Variants in NPC1 observed in about 807,000 individuals in gnomAD.
NPC1 encodes Niemann-Pick C1 protein.
A neutral mutation model predicts 140.4 loss-of-function variants in NPC1; 85 were observed. The ratio of observed to expected loss-of-function variants is 0.61; its 90% CI spans 0.51 to 0.72. The LOEUF (loss-of-function observed/expected upper bound fraction) is 0.72. NPC1 is among the 30% of genes least tolerant of loss of function. The pLI, the probability that NPC1 is intolerant of heterozygous loss-of-function variation, is 0.00. For missense variants in NPC1, 1,504 were observed against 1,623.8 expected (o/e 0.93, Z 1.27); for synonymous variants, 656 against 624.8 (o/e 1.05, Z -0.74).
intron 23 of NPC1, chr18:23,534,219 T>TCA: frequency 1.6e-6 from 1 of 610,242 alleles, no homozygotes; most frequent in South Asian, 1.9e-5. Flanking sequence ...ACTTGTCTGT[T>TCA]ATTTTCCTGC....
At chr18:23,573,431 T>C (rs1389950208) in intron 2 of NPC1, 21 bp downstream of exon 2, 3 of 1,614,128 alleles carry the variant, frequency 1.9e-6, no homozygotes, top group Admixed American at 1.7e-5. Context: ...GTGTTCCCAG[T>C]GCCTAAGATA....
At chr18:23,528,382 A>G (rs2058371076), downstream of NPC1, 1 of 154,998 alleles carries the variant, frequency 6.5e-6, no homozygotes, top group South Asian at 2.0e-4. Flanking sequence ...GGTAATAACC[A>G]TGGCTTATCG....
At position 23,539,830 on chromosome 18, in the gene NPC1, CG is replaced by C. The variant is rs1057516603; in HGVS notation, c.2775del (p.Asn925LysfsTer11). The C allele has an allele frequency of 6.2e-7, 1 of 1,614,174 alleles. No homozygotes were observed. Among genetic ancestry groups the C allele is most frequent in the Admixed American group, 1.7e-5 (1 of 60,028 alleles). On this transcript the variant is annotated frameshift_variant, in exon 18 of 25. Transcript: ENST00000269228. LOFTEE classifies it high-confidence loss of function. ...NNDSLVQQIF[N>X]AAQLDNYTRI... is the part of the protein sequence containing the mutation. ...ACTGACTAGTTGTCCAGCTGCGCCG[CG>C]TTAAATATCTGCTGCACCAGGGAAT...
chr18:23,530,433 A>C, downstream of NPC1: 1 of 1,614,236 alleles, frequency 6.2e-7, no homozygotes, highest in Non-Finnish European at 8.5e-7. Context: ...CTCCTTTCCA[A>C]ACACCAAGTG....
intron 14 of NPC1, among the ~76,000 whole-genome samples, chr18:23,541,646 C>T (rs1176810764): frequency 6.6e-6 from 1 of 152,202 alleles, no homozygotes; most frequent in Non-Finnish European, 1.5e-5. Flanking sequence ...ATTTGGGAAG[C>T]CCCATCCTAG....
chr18:23,561,555 G>A, intron 4 of NPC1, 28 bp from the exon 5 acceptor site: 10 of 1,611,620 alleles, frequency 6.2e-6, no homozygotes, highest in Non-Finnish European at 8.5e-6. Flanking sequence ...AAGGAAAAAG[G>A]AGACAAGATG....
At chr18:23,533,213 AAATT>A in intron 24 of NPC1, 138 bp downstream of exon 24, 1 of 966,330 alleles carries the variant, frequency 1.0e-6, no homozygotes, top group South Asian at 1.5e-5. Flanking sequence ...CTTTTAGAAG[AAATT>A]TTTTTACTCA....
chr18:23,517,731 T>A (rs2058046303), downstream of NPC1, among the ~76,000 whole-genome samples: 2 of 152,012 alleles, frequency 1.3e-5, no homozygotes. Flanking sequence ...TATTTTTAAA[T>A]TTTTTTTGGA....
chr18:23,585,801 C>T (rs140189789), intron 1 of NPC1, among the ~76,000 whole-genome samples: 3 of 152,294 alleles, frequency 2.0e-5, no homozygotes, highest in Non-Finnish European at 4.4e-5. Context: ...GAAGACCAAG[C>T]TGACTTATGT....
At chr18:23,552,126 G>A (rs765015691) in intron 9 of NPC1, among the ~76,000 whole-genome samples, 2 of 152,190 alleles carry the variant, frequency 1.3e-5, no homozygotes, top group Non-Finnish European at 2.9e-5. Context: ...AAGGGAGGGA[G>A]AGAGAACAGT....
chr18:23,510,674 G>A (rs1180405215), intron 3 of NPC1, among the ~76,000 whole-genome samples: 1 of 151,966 alleles, frequency 6.6e-6, no homozygotes, highest in African/African-American at 2.4e-5. Flanking sequence ...CAAAGGACAT[G>A]AGCAGACACT....
intron 1 of NPC1, among the ~76,000 whole-genome samples, chr18:23,579,300 A>G (rs1164283378): frequency 6.6e-6 from 1 of 152,166 alleles, no homozygotes; most frequent in Non-Finnish European, 1.5e-5. Flanking sequence ...CTAGGTGTGT[A>G]ATCCTTCCTT....
At chr18:23,528,453 G>T, downstream of NPC1, 1 of 153,720 alleles carries the variant, frequency 6.5e-6, no homozygotes, top group East Asian at 1.9e-4. Context: ...GAAAAGTTTA[G>T]GACAAGGAGA....
intron 1 of NPC1, among the ~76,000 whole-genome samples, chr18:23,575,770 A>AAAAAAG (rs1491093911): frequency 5.7e-4 from 41 of 71,710 alleles, no homozygotes; most frequent in Non-Finnish European, 2.5e-4. Flanking sequence ...AGAGAAGACC[A>AAAAAAG]AAAAAAAAAA....
rs764304407 is a variant in NPC1, at chr18:23,541,122, G to A, written c.2460C>T (p.Phe820=). 1.2e-6 allele frequency: 2 copies of A among 1,614,188 alleles called. No individual in the cohort carries two copies. The highest frequency in any genetic ancestry group is 8.5e-7 in the Non-Finnish European group (1 of 1,180,024). The change falls in exon 16 of 25, where the codon TTC becomes TTT. Residue 820 remains phenylalanine (F), a synonymous_variant. Coordinates refer to ENST00000269228, the MANE Select transcript of NPC1 (RefSeq NM_000271.5). ...VQASESCLFR[F]FKNSYSPLLL... ...GAAGTGGAGAATAGGAGTTTTTGAA[G>A]AAGCGAAACAAACAGCTCTCTGAGG... is the stretch of plus-strand genomic sequence containing the variant.
downstream of NPC1, among the ~76,000 whole-genome samples, chr18:23,518,269 C>T (rs768779964): frequency 1.4e-4 from 22 of 152,136 alleles, no homozygotes; most frequent in Non-Finnish European, 2.2e-4. Flanking sequence ...GCAGGGGGAT[C>T]GCCTTGAGGC....
chr18:23,538,487 C>G, intron 20 of NPC1, 55 bp downstream of exon 20: 1 of 1,609,410 alleles, frequency 6.2e-7, no homozygotes, highest in Non-Finnish European at 8.5e-7. Flanking sequence ...TCCTAGTTTT[C>G]TACTGCAAAT....
In NPC1 at chr18:23,574,703, A is replaced by G. The variant is rs574457661; in HGVS notation, c.58-1129T>C. On this transcript the variant is annotated intron_variant, in intron 1 of 24. Coordinates refer to ENST00000269228, the MANE Select transcript of NPC1 (RefSeq NM_000271.5). ...CATTTTTCAGATGTTCTAAAATAAA[A>G]ATTAGGACTTAACTCCTCTTGACTC... Among the ~76,000 whole-genome samples, 7 of 152,308 alleles carry G rather than the reference A, an allele frequency of 4.6e-5. No homozygotes were observed. The East Asian group carries it at 1.3e-3, about 29-fold the overall frequency.
chr18:23,543,666 G>C (rs948056437), intron 13 of NPC1, 97 bp from the exon 14 acceptor site: 3 of 738,558 alleles, frequency 4.1e-6, no homozygotes, highest in Non-Finnish European at 4.7e-6. Context: ...AAAAATAAAT[G>C]ATTAGTAGAC....
Sources: allele counts gnomAD v4.1 joint callset (sites outside exome capture counted in the v4.1 genomes callset), GRCh38; gene constraint gnomAD v4.1.1; transcripts MANE v1.5; gene names NCBI Gene and HGNC (gene_info 2026-07-23, HGNC 2026-07-21).